The following NPNT variants were observed in gnomAD, a reference collection of about 807,000 sequenced individuals.
The protein encoded by NPNT is nephronectin, also known as preosteoblast EGF-like repeat protein with MAM domain.
Under a neutral mutation model 68.6 loss-of-function variants are expected in NPNT, and 45 were observed. The observed-to-expected ratio is 0.66, with a 90% confidence interval of 0.52 to 0.84. NPNT has a LOEUF of 0.84. Among genes scored for constraint, NPNT ranks in the 40% least tolerant of loss-of-function variants. The pLI is 0.00. For missense variants in NPNT, 672 were observed against 714.8 expected, an observed-to-expected ratio of 0.94 and a Z score of 0.68; for synonymous variants, 233 against 253.3, an observed-to-expected ratio of 0.92 and a Z score of 0.76.
intron 2 of NPNT, among the ~76,000 whole-genome samples, chr4:105,924,432 A>G (rs761145444): frequency 1.3e-5 from 2 of 152,204 alleles, no homozygotes; most frequent in Admixed American, 1.3e-4. Flanking sequence ...AAAGAAATTG[A>G]TTGTATCAAC....
In NPNT at chr4:105,895,649, C is replaced by T; in HGVS notation, c.-4C>T. On this transcript the variant is annotated 5_prime_UTR_variant, in exon 1 of 12. Transcript: ENST00000379987. The stretch of plus-strand genomic sequence containing the variant: ...GCGCTGCGCCCCAGGACCCGCTGCC[C>T]AACATGGATTTTCTCCTGGCGCTGG... 2 of 1,550,436 alleles carry T rather than the reference C, an allele frequency of 1.3e-6. No individual in the cohort carries two copies. Among genetic ancestry groups the T allele is most frequent in the Non-Finnish European group, 1.7e-6 (2 of 1,147,012 alleles).
intron 10 of NPNT, among the ~76,000 whole-genome samples, chr4:105,960,393 C>A (rs1029798163): frequency 6.6e-6 from 1 of 152,174 alleles, no homozygotes; most frequent in Non-Finnish European, 1.5e-5. Flanking sequence ...CATTAAAATA[C>A]AGATTTTCAT....
intron 7 of NPNT, among the ~76,000 whole-genome samples, chr4:105,941,919 T>C (rs1164935463): frequency 6.6e-6 from 1 of 151,880 alleles, no homozygotes; most frequent in African/African-American, 2.4e-5. Flanking sequence ...ACTATGCATT[T>C]CTTATATTAA....
intron 2 of NPNT, among the ~76,000 whole-genome samples, chr4:105,925,282 C>A (rs762289559): frequency 2.0e-5 from 3 of 152,118 alleles, no homozygotes; most frequent in Non-Finnish European, 4.4e-5. Flanking sequence ...ATTTCCCTAT[C>A]ATTTACACTC....
At position 105,970,392 on chromosome 4, in the gene NPNT, A is replaced by T; in HGVS notation, c.*1402A>T. ...TTCTGCTATTTTTGCCAGGAATCAC[A>T]AAGATGATTAAAGGGTTGGAAAAAA... On this transcript the variant is annotated 3_prime_UTR_variant, in exon 12 of 12. Coordinates refer to ENST00000379987, the MANE Select transcript of NPNT (RefSeq NM_001033047.3). 2.9e-6 allele frequency: 2 copies of T among 699,584 alleles called. No individual in the cohort carries two copies. The highest frequency in any genetic ancestry group is 5.2e-6 in the Non-Finnish European group (2 of 383,620). The allele number at this position is 699,584 out of a possible 1,614,324, so 43.3% of individuals were successfully genotyped here. A position where few individuals can be genotyped will look rare whatever the true frequency, so the allele number is the denominator to read the frequency against.
At chr4:105,903,665 C>T (rs1328010193) in intron 2 of NPNT, among the ~76,000 whole-genome samples, 4 of 151,988 alleles carry the variant, frequency 2.6e-5, no homozygotes, top group Non-Finnish European at 5.9e-5. Context: ...TGCAATAGAT[C>T]TCTCCCCTAT....
chr4:105,946,093 A>G (rs1480709519), intron 8 of NPNT, among the ~76,000 whole-genome samples: 3 of 152,218 alleles, frequency 2.0e-5, no homozygotes, highest in Non-Finnish European at 4.4e-5. Flanking sequence ...AATTAAAAGT[A>G]TTGTGCTCAT....
intron 8 of NPNT, 41 bp from the exon 9 acceptor site, chr4:105,958,430 C>A: frequency 8.5e-7 from 1 of 1,178,846 alleles, no homozygotes; most frequent in Non-Finnish European, 1.3e-6. Flanking sequence ...CAATACTTCA[C>A]ACACACACAC....
intron 2 of NPNT, 39 bp from the exon 3 acceptor site, chr4:105,927,297 G>A (rs1052651552): frequency 1.2e-5 from 16 of 1,325,034 alleles, no homozygotes; most frequent in East Asian, 7.0e-5. Flanking sequence ...TTGGTGTTTC[G>A]TTGACCTAGA....
intron 3 of NPNT, among the ~76,000 whole-genome samples, chr4:105,931,516 C>T (rs990963060): frequency 4.0e-5 from 6 of 151,872 alleles, no homozygotes; most frequent in Admixed American, 2.6e-4. Flanking sequence ...TACCTACAGC[C>T]GTAGGTTTTG....
rs1730074375 is a variant in NPNT at position 105,942,618 on chromosome 4, C to T, written c.1075C>T (p.Pro359Ser). The change falls in exon 8 of 12, where the codon CCA (proline) becomes TCA (serine). Residue 359 changes from proline (P) to serine (S), a missense_variant. Transcript: ENST00000379987. ...AACCACCGGACTGACAACTATAGCA[C>T]CAGCTGCCAGTACACCTCCAGGAGG... ...RPTTGLTTIAPAASTPPGGIT... is the reference protein window; with the variant it reads ...RPTTGLTTIASAASTPPGGIT... 4 of 1,613,922 alleles carry T rather than the reference C, an allele frequency of 2.5e-6. No homozygotes were observed. Among genetic ancestry groups the T allele is most frequent in the South Asian group, 2.2e-5 (2 of 91,078 alleles).
chr4:105,904,951 G>A (rs184169886), intron 2 of NPNT, among the ~76,000 whole-genome samples: 94 of 152,076 alleles, frequency 6.2e-4, no homozygotes, highest in African/African-American at 2.1e-3. Context: ...GGTCTGGCTG[G>A]TCTTGAACTC....
At chr4:105,945,562 A>G (rs1399194017) in intron 8 of NPNT, among the ~76,000 whole-genome samples, 1 of 152,206 alleles carries the variant, frequency 6.6e-6, no homozygotes, top group African/African-American at 2.4e-5. Context: ...CTCTTCATAC[A>G]TACAGTCAAT....
chr4:105,918,762 C>T (rs912012292), intron 2 of NPNT, among the ~76,000 whole-genome samples: 14 of 152,256 alleles, frequency 9.2e-5, no homozygotes, highest in Middle Eastern at 3.4e-3. Context: ...GACACTGGGG[C>T]GTTTCCTCCT....
intron 8 of NPNT, among the ~76,000 whole-genome samples, chr4:105,950,464 A>T (rs557099928): frequency 1.3e-5 from 2 of 151,956 alleles, no homozygotes; most frequent in Non-Finnish European, 2.9e-5. Context: ...TTATTTATTT[A>T]TTTTTTGAGA....
In NPNT at chr4:105,969,060, C is replaced by T; in HGVS notation, c.*70C>T. 9.9e-7 allele frequency: 1 copy of T among 1,012,206 alleles called. No homozygotes were observed. Among genetic ancestry groups the T allele is most frequent in the Non-Finnish European group, 1.5e-6 (1 of 659,932 alleles). 62.7% of individuals were successfully genotyped at this position (1,012,206 alleles called of 1,614,324 possible). On this transcript the variant is annotated 3_prime_UTR_variant, in exon 12 of 12. Coordinates refer to ENST00000379987, the MANE Select transcript of NPNT (RefSeq NM_001033047.3). ...TTTTCCAATTCTCATCTTCTCTCCT[C>T]TTCTCCCTTTTATCAGGCCTAGGAG...
intron 8 of NPNT, among the ~76,000 whole-genome samples, chr4:105,946,477 T>C (rs1184258737): frequency 6.6e-6 from 1 of 152,310 alleles, no homozygotes; most frequent in East Asian, 1.9e-4. Context: ...TTAACATAGG[T>C]TCTTTCTATT....
chr4:105,948,474 C>A (rs1440265043), intron 8 of NPNT, among the ~76,000 whole-genome samples: 1 of 152,034 alleles, frequency 6.6e-6, no homozygotes, highest in African/African-American at 2.4e-5. Flanking sequence ...TCCTTTCTCA[C>A]TGAGTAGCTT....
At chr4:105,930,016 A>T (rs888428354) in intron 3 of NPNT, among the ~76,000 whole-genome samples, 3 of 152,214 alleles carry the variant, frequency 2.0e-5, no homozygotes, top group Non-Finnish European at 4.4e-5. Flanking sequence ...GCAAAATGGG[A>T]TTTTACACCT....
Sources: allele counts gnomAD v4.1 joint callset (sites outside exome capture counted in the v4.1 genomes callset), GRCh38; gene constraint gnomAD v4.1.1; transcripts MANE v1.5; gene names NCBI Gene and HGNC (gene_info 2026-07-23, HGNC 2026-07-21).